Variants in GCNT1 observed in about 807,000 individuals in gnomAD.
GCNT1 encodes the protein glucosaminyl (N-acetyl) transferase 1.
In GCNT1, 16 loss-of-function variants were observed where a neutral mutation model predicts 26.2. The observed-to-expected ratio is 0.61, with a 90% CI of 0.41 to 0.93. GCNT1 has a LOEUF of 0.93. Ranked by LOEUF, GCNT1 falls within the 40% of genes least tolerant of loss-of-function variation. The pLI is 0.00. For missense variants in GCNT1, 477 were observed against 526.7 expected (o/e 0.91, Z 0.92); for synonymous variants, 183 against 190.8 (o/e 0.96, Z 0.34).
chr9:76,470,546 G>A (rs1231511017), intron 2 of GCNT1, among the ~76,000 whole-genome samples: 2 of 150,484 alleles, frequency 1.3e-5, no homozygotes. Flanking sequence ...CGAGGCTGTG[G>A]TGAACTGTGA....
intron 1 of GCNT1, among the ~76,000 whole-genome samples, chr9:76,424,773 A>C (rs1823238404): frequency 6.6e-6 from 1 of 152,194 alleles, no homozygotes; most frequent in African/African-American, 2.4e-5. Flanking sequence ...ACCTCAGAAA[A>C]GAGTAAAAAT....
intron 1 of GCNT1, among the ~76,000 whole-genome samples, chr9:76,446,472 T>C (rs952652349): frequency 6.6e-6 from 1 of 152,236 alleles, no homozygotes; most frequent in Non-Finnish European, 1.5e-5. Context: ...TGCCTGTGTC[T>C]GATGGTATCT....
chr9:76,415,368 C>G (rs1282226796), upstream of GCNT1, among the ~76,000 whole-genome samples: 21 of 152,162 alleles, frequency 1.4e-4, no homozygotes, highest in Non-Finnish European at 2.1e-4. Flanking sequence ...TGACGGTGAA[C>G]TTCACATACT....
the GCNT1 span, chr9:76,394,022 C>G: frequency 1.1e-4 from 167 of 1,467,156 alleles, no homozygotes; most frequent in Admixed American, 7.7e-4. Flanking sequence ...GTCCCAAGTC[C>G]CCGGCTGCCG....
the GCNT1 span, among the ~76,000 whole-genome samples, chr9:76,397,408 A>T: frequency 2.4e-4 from 36 of 151,952 alleles, no homozygotes; most frequent in Middle Eastern, 3.4e-3. Flanking sequence ...CATATGGGTA[A>T]TTACTGTGTT....
At chr9:76,471,759 A>C (rs1334173839) in intron 2 of GCNT1, among the ~76,000 whole-genome samples, 1 of 152,200 alleles carries the variant, frequency 6.6e-6, no homozygotes, top group East Asian at 1.9e-4. Context: ...TTGATGGTAG[A>C]TGTGATTTTG....
chr9:76,412,031 T>G, the GCNT1 span, among the ~76,000 whole-genome samples: 1 of 152,316 alleles, frequency 6.6e-6, no homozygotes, highest in East Asian at 1.9e-4. Flanking sequence ...AATAATTTTT[T>G]GGTTGCTATA....
Position 76,421,686 on chromosome 9 carries a change from G to GTTTTTTTTTTTTT in GCNT1, n.38+1801_38+1802insTTTTTTTTTTTTT, listed in dbSNP as rs375605387. On this transcript the variant is annotated intron_variant and non_coding_transcript_variant, in intron 1 of 3. Transcript: ENST00000488136. ...TGATGGCAACTCAATTTGTTTGTAG[G>GTTTTTTTTTTTTT]TTGTTTTTTTTTTTTTTTTTTTTTT... Among the ~76,000 whole-genome samples, 3 of 84,376 alleles carry GTTTTTTTTTTTTT rather than the reference G, an allele frequency of 3.6e-5. 1 individual carries two copies. The highest frequency in any genetic ancestry group is 9.7e-5 in the African/African-American group (2 of 20,594). 55.4% of individuals were successfully genotyped at this position (84,376 alleles called of 152,430 possible).
chr9:76,421,956 A>C (rs1435097908), intron 1 of GCNT1, among the ~76,000 whole-genome samples: 1 of 152,054 alleles, frequency 6.6e-6, no homozygotes, highest in Non-Finnish European at 1.5e-5. Flanking sequence ...ATTTATAAAG[A>C]AAAGAGGTTT....
upstream of GCNT1, among the ~76,000 whole-genome samples, chr9:76,415,789 A>G (rs1032109110): frequency 6.6e-6 from 1 of 152,228 alleles, no homozygotes; most frequent in Non-Finnish European, 1.5e-5. Context: ...CTCTATCCCC[A>G]GAAAACACAA....
intron 2 of GCNT1, among the ~76,000 whole-genome samples, chr9:76,490,560 G>A (rs1017355106): frequency 2.0e-5 from 3 of 152,296 alleles, no homozygotes; most frequent in South Asian, 4.1e-4. Flanking sequence ...CACTGTTAAC[G>A]TTTAGCGAAC....
intron 2 of GCNT1, among the ~76,000 whole-genome samples, chr9:76,467,897 G>GT (rs35387152): frequency 0.17 from 9,998 of 59,132 alleles, 3,382 homozygotes; most frequent in Non-Finnish European, 0.19. Context: ...CTCTTTCAGT[G>GT]TTTTTTTTTT....
At chr9:76,453,467 T>C (rs1031623290) in intron 1 of GCNT1, among the ~76,000 whole-genome samples, 2 of 152,194 alleles carry the variant, frequency 1.3e-5, no homozygotes, top group South Asian at 4.1e-4. Context: ...CTTTAGTAAA[T>C]TGTGCCATTT....
intron 2 of GCNT1, among the ~76,000 whole-genome samples, chr9:76,485,808 T>C (rs769905479): frequency 1.3e-5 from 2 of 151,386 alleles, no homozygotes; most frequent in East Asian, 2.0e-4. Flanking sequence ...GTCTCACTCA[T>C]TGCAACCTCC....
rs1271482343 is a variant in GCNT1 at position 76,502,915 on chromosome 9, G to A, written c.534G>A (p.Val178=). The stretch of plus-strand genomic sequence containing the variant: ...CTTCCTGTTTTAGTAATGTCTTTGT[G>A]GCCAGCCGATTGGAGAGTGTGGTTT... ...GIASCFSNVF[V]ASRLESVVYA... The change falls in exon 4 of 4, where the codon GTG becomes GTA. Residue 178 remains valine, a synonymous_variant. Transcript: ENST00000376730. The A allele has an allele frequency of 6.2e-7, 1 of 1,613,422 alleles. No individual in the cohort carries two copies. The highest frequency in any genetic ancestry group is 1.3e-5 in the African/African-American group (1 of 74,904).
chr9:76,492,901 G>A (rs111592649), intron 2 of GCNT1, among the ~76,000 whole-genome samples: 29 of 152,024 alleles, frequency 1.9e-4, no homozygotes, highest in African/African-American at 7.0e-4. Context: ...GAATACCGAG[G>A]TTGCGAGGTT....
chr9:76,498,089 C>G (rs574209617), intron 2 of GCNT1, among the ~76,000 whole-genome samples: 106 of 152,282 alleles, frequency 7.0e-4, no homozygotes, highest in Non-Finnish European at 1.2e-3. Context: ...TTATAAATGA[C>G]TATTTCTTAG....
intron 1 of GCNT1, among the ~76,000 whole-genome samples, chr9:76,449,317 A>G (rs1359943162): frequency 3.3e-5 from 5 of 152,264 alleles, no homozygotes; most frequent in South Asian, 4.1e-4. Context: ...AACAACAAAA[A>G]AAAAAACAAG....
intron 2 of GCNT1, among the ~76,000 whole-genome samples, chr9:76,481,531 T>A (rs1469967109): frequency 6.6e-6 from 1 of 152,082 alleles, no homozygotes; most frequent in African/African-American, 2.4e-5. Context: ...TGAACACCCC[T>A]GCTTTAGAAC....
Sources: allele counts gnomAD v4.1 joint callset (sites outside exome capture counted in the v4.1 genomes callset), GRCh38; gene constraint gnomAD v4.1.1; transcripts MANE v1.5; gene names NCBI Gene and HGNC (gene_info 2026-07-23, HGNC 2026-07-21).